CNTN3: variants seen among roughly 807,000 people sequenced by gnomAD.
The protein encoded by CNTN3 is contactin 3, also known as contactin-3.
CNTN3 carries 60 observed loss-of-function variants against 119.1 expected under a neutral mutation model. The observed-to-expected ratio is 0.50, with a 90% CI of 0.41 to 0.62. The LOEUF (loss-of-function observed/expected upper bound fraction) is 0.62, where lower values mean the gene tolerates loss of function less well. CNTN3 is among the 20% of genes least tolerant of loss of function. The pLI, the probability that CNTN3 is intolerant of heterozygous loss-of-function variation, is 0.00. For missense variants in CNTN3, 1,101 were observed against 1,242.4 expected, an observed-to-expected ratio of 0.89 and a Z score of 1.71; for synonymous variants, 450 against 438.7, an observed-to-expected ratio of 1.03 and a Z score of -0.32.
intron 4 of CNTN3, among the ~76,000 whole-genome samples, chr3:74,462,160 T>C (rs577220102): frequency 4.6e-5 from 7 of 152,180 alleles, no homozygotes; most frequent in African/African-American, 1.4e-4. Flanking sequence ...ATGTGCCTGT[T>C]TCCCCTTCAC....
rs866334196 is a variant in CNTN3, at chr3:74,614,412, A to G, written c.-102T>C. 3.9e-3 allele frequency among the ~76,000 whole-genome samples: 586 copies of G among 149,018 alleles called. 7 individuals are homozygous for G. Among genetic ancestry groups the G allele is most frequent in the African/African-American group, 0.013 (520 of 40,974 alleles). ...TTACCTGGTCTCTGCAGCTCGCCAGACGCCCGCCCCGACGGCCCACTCGCC... is the reference window on the plus strand; with the variant it reads ...TTACCTGGTCTCTGCAGCTCGCCAGGCGCCCGCCCCGACGGCCCACTCGCC... On this transcript the variant is annotated 5_prime_UTR_variant, in exon 1 of 23. Transcript: ENST00000263665.
At chr3:74,542,902 T>C (rs1163229463) in intron 1 of CNTN3, among the ~76,000 whole-genome samples, 1 of 152,150 alleles carries the variant, frequency 6.6e-6, no homozygotes, top group Non-Finnish European at 1.5e-5. Context: ...GAGGATTGCT[T>C]GAGGCCAGGA....
At chr3:74,500,566 C>T (rs1008163694) in intron 2 of CNTN3, among the ~76,000 whole-genome samples, 4 of 146,320 alleles carry the variant, frequency 2.7e-5, no homozygotes, top group African/African-American at 1.0e-4. Context: ...AGCAAAATTA[C>T]AGAGGAGTTT....
intron 4 of CNTN3, among the ~76,000 whole-genome samples, chr3:74,451,795 T>C (rs1702161195): frequency 6.6e-6 from 1 of 151,104 alleles, no homozygotes; most frequent in Non-Finnish European, 1.5e-5. Flanking sequence ...TGCTTGTTTT[T>C]CTCAGATTTG....
At chr3:74,360,683 T>C (rs1260381988) in intron 11 of CNTN3, among the ~76,000 whole-genome samples, 1 of 152,160 alleles carries the variant, frequency 6.6e-6, no homozygotes, top group African/African-American at 2.4e-5. Context: ...TTTGTACTCA[T>C]TCAGGTTGTT....
intron 1 of CNTN3, among the ~76,000 whole-genome samples, chr3:74,559,119 T>A (rs1704114233): frequency 6.6e-6 from 1 of 152,062 alleles, no homozygotes; most frequent in Non-Finnish European, 1.5e-5. Flanking sequence ...TTAATATTAC[T>A]ACTAGAAAGA....
At chr3:74,313,228 G>A (rs1234731162) in intron 13 of CNTN3, among the ~76,000 whole-genome samples, 2 of 152,006 alleles carry the variant, frequency 1.3e-5, no homozygotes, top group African/African-American at 4.8e-5. Context: ...ATCAGAAAGA[G>A]AAGAAAGGGA....
At chr3:74,292,478 G>A (rs768122693) in intron 19 of CNTN3, among the ~76,000 whole-genome samples, 44 of 152,106 alleles carry the variant, frequency 2.9e-4, no homozygotes, top group Admixed American at 9.2e-4. Context: ...AGGCAGGAGA[G>A]TTGCTTGAAC....
intron 20 of CNTN3, among the ~76,000 whole-genome samples, chr3:74,274,157 T>G (rs1701835482): frequency 6.6e-6 from 1 of 152,064 alleles, no homozygotes; most frequent in African/African-American, 2.4e-5. Flanking sequence ...CGGCAAGACC[T>G]GCTGTAGGAG....
chr3:74,266,939 C>T (rs538680756), intron 21 of CNTN3, among the ~76,000 whole-genome samples: 1 of 152,162 alleles, frequency 6.6e-6, no homozygotes, highest in South Asian at 2.1e-4. Context: ...GTGTATGGAC[C>T]TTGAATGCCT....
chr3:74,411,160 G>C (rs1040844324), intron 5 of CNTN3, among the ~76,000 whole-genome samples: 1 of 151,520 alleles, frequency 6.6e-6, no homozygotes, highest in Non-Finnish European at 1.5e-5. Context: ...TAATTGGTCA[G>C]CCCAGTGTCC....
chr3:74,341,092 T>C (rs550253590), intron 11 of CNTN3, among the ~76,000 whole-genome samples: 3 of 152,270 alleles, frequency 2.0e-5, no homozygotes, highest in South Asian at 2.1e-4. Context: ...AGCAAACATA[T>C]TGACTCTCAA....
intron 2 of CNTN3, among the ~76,000 whole-genome samples, chr3:74,501,338 G>A (rs575761143): frequency 6.6e-6 from 1 of 152,064 alleles, no homozygotes; most frequent in South Asian, 2.1e-4. Flanking sequence ...TAGACACGGA[G>A]GCTCAACGAG....
intron 4 of CNTN3, among the ~76,000 whole-genome samples, chr3:74,438,559 A>G (rs1701910104): frequency 6.6e-6 from 1 of 152,208 alleles, no homozygotes; most frequent in Non-Finnish European, 1.5e-5. Flanking sequence ...GAGGCCTTCA[A>G]CAACTACTCT....
intron 11 of CNTN3, among the ~76,000 whole-genome samples, chr3:74,345,650 G>T (rs1182706212): frequency 2.0e-5 from 3 of 152,112 alleles, no homozygotes; most frequent in African/African-American, 7.2e-5. Context: ...AGGAGTATAA[G>T]TAGTACATTA....
chr3:74,596,558 A>G (rs1704813814), intron 1 of CNTN3, among the ~76,000 whole-genome samples: 1 of 152,164 alleles, frequency 6.6e-6, no homozygotes, highest in Admixed American at 6.5e-5. Context: ...CTGATCTTTG[A>G]CAAACCTGAG....
chr3:74,532,969 T>C (rs1703714346), intron 1 of CNTN3, among the ~76,000 whole-genome samples: 2 of 151,994 alleles, frequency 1.3e-5, no homozygotes, highest in African/African-American at 4.8e-5. Context: ...GTCAAAAGTA[T>C]GCTGAAAAGG....
intron 13 of CNTN3, among the ~76,000 whole-genome samples, chr3:74,326,324 T>C (rs962380115): frequency 6.6e-6 from 1 of 152,180 alleles, no homozygotes. Flanking sequence ...CTTAAAAATG[T>C]TAATACATAT....
intron 1 of CNTN3, among the ~76,000 whole-genome samples, chr3:74,537,283 A>G (rs144945324): frequency 0.013 from 2,021 of 152,190 alleles, 22 homozygotes; most frequent in Non-Finnish European, 0.019. Context: ...TCAAAACAAT[A>G]TGTGTTGAAT....
Sources: gnomAD v4.1 joint callset for allele counts (sites outside exome capture counted in the v4.1 genomes callset) on GRCh38, gnomAD v4.1.1 for gene constraint, MANE v1.5 for transcripts, NCBI Gene and HGNC (gene_info 2026-07-23, HGNC 2026-07-21) for gene names.